The following VPS37A variants were observed in gnomAD, a reference collection of about 807,000 sequenced individuals.
VPS37A encodes VPS37A subunit of ESCRT-I.
VPS37A carries 30 observed loss-of-function variants against 49.8 expected under a neutral mutation model. The observed-to-expected ratio is 0.60, with a 90% CI of 0.45 to 0.82. The LOEUF (loss-of-function observed/expected upper bound fraction) is 0.82. VPS37A is among the 40% of genes least tolerant of loss of function. The probability of loss-of-function intolerance (pLI) is 0.00; values close to 1 mark genes in which losing one functional copy is unlikely to be tolerated. For synonymous variants in VPS37A, 195 were observed against 160.6 expected (o/e 1.21, Z -1.62); for missense variants, 593 against 464.4 (o/e 1.28, Z -2.55).
At chr8:17,326,400 T>C in the VPS37A span, 1 of 152,204 alleles carries the variant, frequency 6.6e-6, no homozygotes, top group East Asian at 1.9e-4. Context: ...TCCATAAACG[T>C]ATCTTCATTA....
At chr8:17,266,205 C>G (rs1379838723) in intron 2 of VPS37A, among the ~76,000 whole-genome samples, 3 of 152,044 alleles carry the variant, frequency 2.0e-5, no homozygotes, top group African/African-American at 7.2e-5. Context: ...ATGTGTAATA[C>G]TAATTCTGAG....
At chr8:17,253,443 T>C (rs1452630797) in intron 1 of VPS37A, among the ~76,000 whole-genome samples, 2 of 152,216 alleles carry the variant, frequency 1.3e-5, no homozygotes, top group African/African-American at 4.8e-5. Context: ...CACCTTAACT[T>C]GATTCCTGGT....
At chr8:17,301,879 C>A (rs1817141924), downstream of VPS37A, 8 of 425,458 alleles carry the variant, frequency 1.9e-5, no homozygotes, top group East Asian at 2.8e-4. Flanking sequence ...TTTTACTACT[C>A]TCAAATAACA....
chr8:17,302,782 G>A (rs1048511679), downstream of VPS37A, among the ~76,000 whole-genome samples: 3 of 137,598 alleles, frequency 2.2e-5, no homozygotes, highest in Admixed American at 8.4e-5. Context: ...GTGTGATATC[G>A]GCTCCTTGCA....
chr8:17,284,324 G>A, intron 9 of VPS37A, 149 bp from the exon 10 acceptor site: 1 of 815,700 alleles, frequency 1.2e-6, no homozygotes, highest in East Asian at 3.3e-5. Flanking sequence ...GACCTGGGTG[G>A]GGCATTATAA....
the VPS37A span, among the ~76,000 whole-genome samples, chr8:17,318,911 C>T: frequency 1.3e-5 from 2 of 152,216 alleles, no homozygotes; most frequent in African/African-American, 4.8e-5. Context: ...TACACCCTCA[C>T]ATCTCCAACG....
chr8:17,271,889 G>A, intron 4 of VPS37A: 8 of 434,432 alleles, frequency 1.8e-5, no homozygotes, highest in South Asian at 1.3e-4. Flanking sequence ...GAGAATCTTA[G>A]GGAAGCTAGG....
chr8:17,302,882 A>AT (rs35734209), downstream of VPS37A, among the ~76,000 whole-genome samples: 32 of 150,914 alleles, frequency 2.1e-4, no homozygotes, highest in African/African-American at 5.8e-4. Context: ...CTAATTTTAT[A>AT]TTTTTTTTAG....
downstream of VPS37A, among the ~76,000 whole-genome samples, chr8:17,305,580 G>A (rs117445864): frequency 2.6e-5 from 4 of 152,234 alleles, no homozygotes; most frequent in Non-Finnish European, 5.9e-5. Flanking sequence ...TCTGTCAGTT[G>A]ATGACATTTA....
At chr8:17,320,731 A>G in the VPS37A span, among the ~76,000 whole-genome samples, 1 of 152,180 alleles carries the variant, frequency 6.6e-6, no homozygotes, top group Admixed American at 6.5e-5. Flanking sequence ...GTGCCCAGCA[A>G]TACCAGACAG....
chr8:17,309,649 T>G, the VPS37A span, among the ~76,000 whole-genome samples: 1 of 152,176 alleles, frequency 6.6e-6, no homozygotes, highest in African/African-American at 2.4e-5. Context: ...TCTCACTCTT[T>G]TAGAAGGGGA....
intron 1 of VPS37A, chr8:17,248,347 C>T (rs750104218): frequency 8.8e-6 from 4 of 455,062 alleles, no homozygotes; most frequent in Middle Eastern, 4.2e-4. Flanking sequence ...TCACTGCAAC[C>T]TCCGTCTCCC....
At chr8:17,278,178 T>G (rs1814704520) in intron 6 of VPS37A, among the ~76,000 whole-genome samples, 1 of 152,230 alleles carries the variant, frequency 6.6e-6, no homozygotes, top group South Asian at 2.1e-4. Context: ...ATGTCATAAT[T>G]ACTGCATGCT....
At chr8:17,264,426 A>C (rs1813259886) in intron 1 of VPS37A, among the ~76,000 whole-genome samples, 1 of 152,136 alleles carries the variant, frequency 6.6e-6, no homozygotes, top group Non-Finnish European at 1.5e-5. Flanking sequence ...CCAAAGAAAA[A>C]CTTCCAGAAA....
chr8:17,282,282 T>C (rs575123389), intron 9 of VPS37A, among the ~76,000 whole-genome samples: 2 of 152,200 alleles, frequency 1.3e-5, no homozygotes, highest in Non-Finnish European at 1.5e-5. Context: ...TTCAATAAAT[T>C]ATAAAATTGG....
At chr8:17,315,868 C>T in the VPS37A span, among the ~76,000 whole-genome samples, 2 of 152,000 alleles carry the variant, frequency 1.3e-5, no homozygotes, top group African/African-American at 4.8e-5. Flanking sequence ...AAAAAATGAG[C>T]GAGACTGAGT....
rs755402438 is a variant in VPS37A, at chr8:17,286,390, C to T, written c.1157C>T (p.Ala386Val). 82 of 1,613,622 alleles carry T rather than the reference C, an allele frequency of 5.1e-5. No homozygotes were observed. The highest frequency in any genetic ancestry group is 1.3e-4 in the Admixed American group (8 of 59,964). Residue 386 changes from alanine (A) to valine (V), a missense_variant, in exon 11 of 12, where the codon GCG becomes GTG. Physicochemically the swap from Ala to Val is moderately conservative, Grantham distance 64 (BLOSUM62 0). Coordinates refer to ENST00000324849, the MANE Select transcript of VPS37A (RefSeq NM_152415.3). ...GCCAAGGAAGAGAAACTTCAGCAGG[C>T]GATAGCAATGCACAGCCAATTTCAT... ...RRAKEEKLQQ[A>V]IAMHSQFHAP...
chr8:17,312,205 A>G, the VPS37A span, among the ~76,000 whole-genome samples: 1 of 152,236 alleles, frequency 6.6e-6, no homozygotes, highest in Non-Finnish European at 1.5e-5. Context: ...GGCAGTTAAC[A>G]TACGCTGGGA....
intron 1 of VPS37A, among the ~76,000 whole-genome samples, chr8:17,255,948 C>T (rs1485378928): frequency 1.3e-5 from 2 of 152,154 alleles, no homozygotes; most frequent in Non-Finnish European, 2.9e-5. Flanking sequence ...TTGATGTGTA[C>T]TTAAATTTAT....
Sources: allele counts gnomAD v4.1 joint callset (sites outside exome capture counted in the v4.1 genomes callset), GRCh38; gene constraint gnomAD v4.1.1; transcripts MANE v1.5; gene names NCBI Gene and HGNC (gene_info 2026-07-23, HGNC 2026-07-21).